The following EML1 variants were observed in gnomAD, a reference collection of about 807,000 sequenced individuals.
EML1 encodes the protein echinoderm microtubule-associated protein-like 1.
A neutral mutation model predicts 110.4 loss-of-function variants in EML1; 27 were observed. The observed-to-expected ratio is 0.24, with a 90% CI of 0.18 to 0.34. EML1 has a LOEUF of 0.34. Among genes scored for constraint, EML1 ranks in the 10% least tolerant of loss-of-function variants. The probability of loss-of-function intolerance (pLI) is 1.00; values close to 1 mark genes in which losing one functional copy is unlikely to be tolerated. For synonymous variants in EML1, 344 were observed against 385.8 expected, an observed-to-expected ratio of 0.89 and a Z score of 1.27; for missense variants, 741 against 1,030.9, an observed-to-expected ratio of 0.72 and a Z score of 3.85.
chr14:99,818,711 AG>A (rs2058211147), intron 1 of EML1, among the ~76,000 whole-genome samples: 1 of 148,536 alleles, frequency 6.7e-6, no homozygotes, highest in Non-Finnish European at 1.5e-5. Flanking sequence ...GTCGTGGTTG[AG>A]GGCCCCCTTG....
chr14:99,858,127 A>G (rs927626574), intron 2 of EML1, among the ~76,000 whole-genome samples: 1 of 151,052 alleles, frequency 6.6e-6, no homozygotes, highest in Non-Finnish European at 1.5e-5. Flanking sequence ...TGCTCTTTTT[A>G]CTTAGCAGTG....
At chr14:99,893,391 A>G (rs2059620042) in intron 5 of EML1, among the ~76,000 whole-genome samples, 1 of 152,134 alleles carries the variant, frequency 6.6e-6, no homozygotes, top group Admixed American at 6.5e-5. Context: ...AGACATTGTA[A>G]GGGGAGGATC....
At chr14:99,881,017 T>C (rs1241393090) in intron 4 of EML1, among the ~76,000 whole-genome samples, 2 of 152,236 alleles carry the variant, frequency 1.3e-5, no homozygotes, top group Non-Finnish European at 2.9e-5. Flanking sequence ...ACAATCCGCG[T>C]TGCACTTGTG....
intron 1 of EML1, among the ~76,000 whole-genome samples, chr14:99,750,311 G>A (rs754168130): frequency 1.3e-5 from 2 of 152,218 alleles, no homozygotes; most frequent in Non-Finnish European, 2.9e-5. Context: ...GGTCAGATGC[G>A]ATGAGGACTC....
At chr14:99,745,596 T>C (rs2057099191) in intron 1 of EML1, among the ~76,000 whole-genome samples, 2 of 152,172 alleles carry the variant, frequency 1.3e-5, no homozygotes, top group African/African-American at 4.8e-5. Flanking sequence ...TTGCTAGAAA[T>C]AAAACCAGAA....
chr14:99,819,809 A>G (rs1390357643), intron 1 of EML1, among the ~76,000 whole-genome samples: 2 of 152,222 alleles, frequency 1.3e-5, no homozygotes, highest in Non-Finnish European at 2.9e-5. Flanking sequence ...CCAGGCCCAC[A>G]CCACGCAGCC....
At chr14:99,852,372 T>C (rs2058825568) in intron 2 of EML1, among the ~76,000 whole-genome samples, 1 of 152,342 alleles carries the variant, frequency 6.6e-6, no homozygotes, top group African/African-American at 2.4e-5. Flanking sequence ...CCCAGCACTT[T>C]GGAAGGCTGA....
At chr14:99,748,299 C>G (rs1441361869) in intron 1 of EML1, among the ~76,000 whole-genome samples, 1 of 152,062 alleles carries the variant, frequency 6.6e-6, no homozygotes, top group Non-Finnish European at 1.5e-5. Flanking sequence ...CCCGAGGCTG[C>G]GGGAATATGT....
Position 99,850,812 on chromosome 14 carries a change from G to A in EML1, c.68-41G>A, listed in dbSNP as rs187309674. 78 of 1,595,654 alleles carry A rather than the reference G, an allele frequency of 4.9e-5. 3 individuals are homozygous for A. The Admixed American group carries it at 1.0e-3, about 21-fold the overall frequency. On this transcript the variant is annotated intron_variant, in intron 1 of 21. Coordinates refer to ENST00000262233, the MANE Select transcript of EML1 (RefSeq NM_004434.3). ...GAGTATGTTTATAGATCTGATTTCC[G>A]GGGAACACTTAAAGCTCACTTGATC...
intron 1 of EML1, among the ~76,000 whole-genome samples, chr14:99,796,877 G>A (rs2057784587): frequency 6.6e-6 from 1 of 151,776 alleles, no homozygotes; most frequent in Admixed American, 6.6e-5. Flanking sequence ...ACTAGGAAGG[G>A]CTTGGATACC....
rs1257721951 is a variant in EML1, at chr14:99,936,614, C to A, written c.2095+280C>A. On this transcript the variant is annotated intron_variant, in intron 19 of 21. Coordinates refer to ENST00000262233, the MANE Select transcript of EML1 (RefSeq NM_004434.3). This position sits in a 1 kb window ranked among gnomAD's most constrained non-coding sequence, Gnocchi z 5.5. ...CCTGCAGAGGGGGGCTTGGGGCAGG[C>A]GGATGTGGCAGAAGGGGGCGGGTCC... Among the ~76,000 whole-genome samples, 1 of 151,970 alleles carries A rather than the reference C, an allele frequency of 6.6e-6. No individual in the cohort carries two copies. The highest frequency in any genetic ancestry group is 1.5e-5 in the Non-Finnish European group (1 of 67,966).
At chr14:99,829,074 G>A (rs755314520) in intron 1 of EML1, among the ~76,000 whole-genome samples, 5 of 152,232 alleles carry the variant, frequency 3.3e-5, no homozygotes, top group Non-Finnish European at 7.3e-5. Flanking sequence ...GCTGTCCACA[G>A]TTCCAGGAAT....
intron 1 of EML1, among the ~76,000 whole-genome samples, chr14:99,795,357 G>A (rs1566867931): frequency 6.6e-6 from 1 of 152,172 alleles, no homozygotes. Context: ...TTTTGTAGAA[G>A]TATTGGTTTA....
chr14:99,761,650 C>T (rs2140187765), intron 1 of EML1, among the ~76,000 whole-genome samples: 1 of 151,948 alleles, frequency 6.6e-6, no homozygotes, highest in South Asian at 2.1e-4. Context: ...TGAGGCTGGG[C>T]ACAGTGGCTC....
At position 99,901,379 on chromosome 14, in the gene EML1, C is replaced by T. The variant is rs78796608; in HGVS notation, c.1008+340C>T. ...TCAAGGGTGGCTCCAGCGTGTCTGT[C>T]TCTGCCATCCTGCTACTGGAAAGGG... On this transcript the variant is annotated intron_variant, in intron 9 of 21. Transcript: ENST00000262233. 6.4e-3 allele frequency among the ~76,000 whole-genome samples: 979 copies of T among 152,316 alleles called. 5 individuals carry two copies. The highest frequency in any genetic ancestry group is 9.6e-3 in the Non-Finnish European group (654 of 68,034).
intron 17 of EML1, among the ~76,000 whole-genome samples, chr14:99,925,275 C>CTTTT (rs972066503): frequency 7.3e-6 from 1 of 136,058 alleles, no homozygotes; most frequent in Non-Finnish European, 1.6e-5. Flanking sequence ...TTTCTTTTTT[C>CTTTT]TTTTTTTTTT....
intron 1 of EML1, among the ~76,000 whole-genome samples, chr14:99,818,306 G>A (rs575730124): frequency 2.0e-5 from 3 of 152,290 alleles, no homozygotes; most frequent in Admixed American, 1.3e-4. Context: ...AGTTGAGGTT[G>A]TTGCCGGAGT....
chr14:99,786,739 T>C (rs1053229754), intron 1 of EML1, among the ~76,000 whole-genome samples: 3 of 152,048 alleles, frequency 2.0e-5, no homozygotes, highest in African/African-American at 7.2e-5. Flanking sequence ...GCAGCAGGAG[T>C]GCAGACTGAC....
chr14:99,934,594 G>A (rs2060434389), intron 17 of EML1, among the ~76,000 whole-genome samples: 1 of 152,256 alleles, frequency 6.6e-6, no homozygotes, highest in South Asian at 2.1e-4. Flanking sequence ...TCCAAGTGGA[G>A]CCTCCCGACT....
Sources: gnomAD v4.1 joint callset for allele counts (sites outside exome capture counted in the v4.1 genomes callset) on GRCh38, gnomAD v4.1.1 for gene constraint, Gnocchi (gnomAD v3.1) non-coding constraint, MANE v1.5 for transcripts, NCBI Gene and HGNC (gene_info 2026-07-23, HGNC 2026-07-21) for gene names.